Variants in MFAP1 observed in about 807,000 individuals in gnomAD.
The protein encoded by MFAP1 is microfibrillar-associated protein 1.
MFAP1 carries 18 observed loss-of-function variants against 62.2 expected under a neutral mutation model. The ratio of observed to expected loss-of-function variants is 0.29; its 90% CI spans 0.20 to 0.43. The LOEUF is 0.43. MFAP1 is among the 20% of genes least tolerant of loss of function. The probability of loss-of-function intolerance (pLI) is 1.00; values close to 1 mark genes in which losing one functional copy is unlikely to be tolerated. For synonymous variants in MFAP1, 175 were observed against 180.4 expected, an observed-to-expected ratio of 0.97 and a Z score of 0.24; for missense variants, 355 against 559.7, an observed-to-expected ratio of 0.63 and a Z score of 3.69.
In MFAP1 at chr15:43,817,542, T is replaced by C. The variant is rs2087441103; in HGVS notation, c.80-94A>G. On this transcript the variant is annotated intron_variant, in intron 1 of 8. Transcript: ENST00000267812. Reference sequence around the variant, plus strand: ...TGCAAATAGAGCCCTTTATTCATAGTAGACAAGAGTCTAAGCAGAAGAAGA... The same window carrying C: ...TGCAAATAGAGCCCTTTATTCATAGCAGACAAGAGTCTAAGCAGAAGAAGA... The C allele has an allele frequency of 3.3e-6, 4 of 1,198,100 alleles. No individual in the cohort carries two copies. In the Admixed American group the frequency reaches 6.5e-5, roughly 19 times the overall value. The allele number at this position is 1,198,100 out of a possible 1,614,324, so 74.2% of individuals were successfully genotyped here.
In MFAP1 at chr15:43,824,601, TG is replaced by T; in HGVS notation, c.-33del. ...GGCAGCGACGGTGATTCCCGAAACT[TG>T]ACTAATTCCAAACAGTGAACACCAG... On this transcript the variant is annotated 5_prime_UTR_variant, in exon 1 of 9. Coordinates refer to ENST00000267812, the MANE Select transcript of MFAP1 (RefSeq NM_005926.3). 1 of 1,612,592 alleles carries T rather than the reference TG, an allele frequency of 6.2e-7. No individual in the cohort carries two copies. Among genetic ancestry groups the T allele is most frequent in the Non-Finnish European group, 8.5e-7 (1 of 1,178,628 alleles).
intron 2 of MFAP1, 78 bp downstream of exon 2, chr15:43,817,151 C>T (rs2087438671): frequency 7.5e-7 from 1 of 1,338,300 alleles, no homozygotes; most frequent in Non-Finnish European, 1.1e-6. Flanking sequence ...CTTGGTAGTA[C>T]TATTCAAGTA....
In MFAP1 at chr15:43,813,142, G is replaced by A. The variant is rs1423740919; in HGVS notation, c.732C>T (p.Val244=). 11 of 1,613,964 alleles carry A rather than the reference G, an allele frequency of 6.8e-6. No individual in the cohort carries two copies. Among genetic ancestry groups the A allele is most frequent in the East Asian group, 2.2e-5 (1 of 44,882 alleles). The change falls in exon 6 of 9, where the codon GTC becomes GTT. Residue 244 remains valine (V), a synonymous_variant. Coordinates refer to ENST00000267812, the MANE Select transcript of MFAP1 (RefSeq NM_005926.3). Reference sequence around the variant, plus strand: ...CCAGCTCTTTTTTGGTTTCCTCTTCGACAATCTGGATAGGGAGAACAATTC... The same window carrying A: ...CCAGCTCTTTTTTGGTTTCCTCTTCAACAATCTGGATAGGGAGAACAATTC... ...EERRKYTLKI[V]EEETKKELEE...
rs1130044 is a variant in MFAP1, at chr15:43,813,129, T to G, written c.745A>C (p.Lys249Gln). 6 of 1,614,080 alleles carry G rather than the reference T, an allele frequency of 3.7e-6. No individual in the cohort carries two copies. The highest frequency in any genetic ancestry group is 1.6e-4 in the Middle Eastern group (1 of 6,084). Residue 249 changes from lysine (K) to glutamine (Q), a missense_variant, in exon 6 of 9, where the codon AAA becomes CAA. Coordinates refer to ENST00000267812, the MANE Select transcript of MFAP1 (RefSeq NM_005926.3). ...CGCTTGTTCTCTTCCAGCTCTTTTT[T>G]GGTTTCCTCTTCGACAATCTGGATA... ...YTLKIVEEET[K>Q]KELEENKRSL...
chr15:43,824,571 T>C lies in MFAP1; in HGVS notation c.-2A>G, dbSNP rs1429781439. 4 of 1,614,170 alleles carry C rather than the reference T, an allele frequency of 2.5e-6. No homozygotes were observed. The highest frequency in any genetic ancestry group is 1.1e-5 in the South Asian group (1 of 91,088). On this transcript the variant is annotated 5_prime_UTR_variant, in exon 1 of 9. Coordinates refer to ENST00000267812, the MANE Select transcript of MFAP1 (RefSeq NM_005926.3). ...CATGAGAGCGCTTGGGACCGACATG[T>C]TGATGGCAGCGACGGTGATTCCCGA...
intron 2 of MFAP1, among the ~76,000 whole-genome samples, chr15:43,816,491 C>T (rs183066135): frequency 1.2e-3 from 181 of 152,028 alleles, no homozygotes; most frequent in African/African-American, 3.9e-3. Context: ...GTGATCCACC[C>T]GCCTCAGCCT....
intron 1 of MFAP1, among the ~76,000 whole-genome samples, chr15:43,824,173 C>T (rs1226488846): frequency 6.6e-6 from 1 of 150,750 alleles, no homozygotes; most frequent in Admixed American, 6.6e-5. Flanking sequence ...TATATTCTAG[C>T]ATATATATAT....
chr15:43,813,506 GTCT>G, intron 4 of MFAP1, 149 bp from the exon 5 acceptor site: 10 of 512,422 alleles, frequency 2.0e-5, no homozygotes, highest in South Asian at 6.0e-5. Context: ...GTCATCCCAG[GTCT>G]TTTTTTTTTT....
intron 1 of MFAP1, among the ~76,000 whole-genome samples, chr15:43,822,379 CT>C (rs1225676529): frequency 2.0e-5 from 3 of 151,992 alleles, no homozygotes; most frequent in Admixed American, 2.0e-4. Flanking sequence ...AGTTTGTTTT[CT>C]TTTTTTTCTT....
At chr15:43,806,791 G>A (rs1265821564) in intron 7 of MFAP1, among the ~76,000 whole-genome samples, 1 of 152,184 alleles carries the variant, frequency 6.6e-6, no homozygotes, top group East Asian at 1.9e-4. Context: ...AGAATCACTT[G>A]AACTCAGGAG....
Position 43,824,618 on chromosome 15 carries a change from T to C in MFAP1, c.-49A>G, listed in dbSNP as rs757429381. 3.1e-5 allele frequency: 49 copies of C among 1,586,000 alleles called. 1 individual carries two copies. In the Middle Eastern group the frequency reaches 8.3e-4, roughly 27 times the overall value. On this transcript the variant is annotated 5_prime_UTR_variant, in exon 1 of 9. Transcript: ENST00000267812. Reference sequence around the variant, plus strand: ...CCGAAACTTGACTAATTCCAAACAGTGAACACCAGCAACGTCAACGAAGAG... The same window carrying C: ...CCGAAACTTGACTAATTCCAAACAGCGAACACCAGCAACGTCAACGAAGAG...
At chr15:43,815,501 GA>G (rs1359626610) in intron 2 of MFAP1, among the ~76,000 whole-genome samples, 1 of 152,062 alleles carries the variant, frequency 6.6e-6, no homozygotes, top group Non-Finnish European at 1.5e-5. Flanking sequence ...TGAGGTGGAG[GA>G]AACTGAGGTG....
intron 3 of MFAP1, 124 bp from the exon 4 acceptor site, chr15:43,814,812 C>A: frequency 6.7e-7 from 1 of 1,483,744 alleles, no homozygotes; most frequent in South Asian, 1.3e-5. Flanking sequence ...TTAATCCTAT[C>A]CCCACAAACA....
chr15:43,805,716 A>G (rs1018521323), intron 7 of MFAP1, among the ~76,000 whole-genome samples: 3 of 151,374 alleles, frequency 2.0e-5, no homozygotes, highest in Middle Eastern at 3.2e-3. Flanking sequence ...AGGTTCAAGC[A>G]GTTCTCCTGC....
intron 2 of MFAP1, 56 bp from the exon 3 acceptor site, chr15:43,815,130 A>G (rs1226182447): frequency 1.2e-6 from 2 of 1,606,386 alleles, no homozygotes; most frequent in African/African-American, 1.3e-5. Flanking sequence ...AAGTAGCATC[A>G]ACTGCATTTC....
At chr15:43,812,861 C>CA (rs2087410362) in intron 6 of MFAP1, 126 bp downstream of exon 6, 1 of 1,154,372 alleles carries the variant, frequency 8.7e-7, no homozygotes, top group Non-Finnish European at 1.2e-6. Context: ...ATAGGAAACT[C>CA]ACAAAGCAAC....
At chr15:43,817,704 G>A (rs891061052) in intron 1 of MFAP1, among the ~76,000 whole-genome samples, 1 of 152,166 alleles carries the variant, frequency 6.6e-6, no homozygotes, top group African/African-American at 2.4e-5. Flanking sequence ...GAGGAAGGTA[G>A]GCAGTGAAAC....
At chr15:43,817,200 G>A (rs775833444) in intron 2 of MFAP1, 29 bp downstream of exon 2, 156 of 1,595,544 alleles carry the variant, frequency 9.8e-5, no homozygotes, top group Non-Finnish European at 1.3e-4. Context: ...AGAGGTTCAT[G>A]TTCAAGTAAA....
rs2087488318 is a variant in MFAP1, at chr15:43,824,660, C to T, written c.-91G>A. 3.0e-6 allele frequency: 4 copies of T among 1,354,982 alleles called. No homozygotes were observed. The Admixed American group carries it at 7.2e-5, about 24-fold the overall frequency. 83.9% of individuals were successfully genotyped at this position (1,354,982 alleles called of 1,614,324 possible). ...AACGAAGAGAAGAAATTCCTTCCAC[C>T]TGAGTCCGCGAACACAGCTGCGCGA... On this transcript the variant is annotated 5_prime_UTR_variant, in exon 1 of 9. Coordinates refer to ENST00000267812, the MANE Select transcript of MFAP1 (RefSeq NM_005926.3).
Sources: allele counts gnomAD v4.1 joint callset (sites outside exome capture counted in the v4.1 genomes callset), GRCh38; gene constraint gnomAD v4.1.1; transcripts MANE v1.5; gene names NCBI Gene and HGNC (gene_info 2026-07-23, HGNC 2026-07-21).